Variants in PRKCA observed in about 807,000 individuals in gnomAD.
The protein encoded by PRKCA is protein kinase C alpha, also known as protein kinase C alpha type.
A neutral mutation model predicts 87.0 loss-of-function variants in PRKCA; 27 were observed. The observed-to-expected ratio is 0.31, with a 90% CI of 0.23 to 0.43. The LOEUF (loss-of-function observed/expected upper bound fraction) is 0.43. PRKCA is among the 20% of genes least tolerant of loss of function. The probability of loss-of-function intolerance (pLI) is 1.00; values close to 1 mark genes in which losing one functional copy is unlikely to be tolerated. For synonymous variants in PRKCA, 329 were observed against 311.1 expected, an observed-to-expected ratio of 1.06 and a Z score of -0.61; for missense variants, 518 against 852.3, an observed-to-expected ratio of 0.61 and a Z score of 4.88.
At chr17:66,761,295 G>A (rs1363219843) in intron 13 of PRKCA, among the ~76,000 whole-genome samples, 24 of 151,150 alleles carry the variant, frequency 1.6e-4, no homozygotes, top group African/African-American at 5.8e-4. Context: ...ACTTGAACTC[G>A]GGAGGCAGAG....
chr17:66,726,455 C>CT (rs1158904144), intron 8 of PRKCA, among the ~76,000 whole-genome samples: 1 of 152,148 alleles, frequency 6.6e-6, no homozygotes, highest in African/African-American at 2.4e-5. Flanking sequence ...GGGAAGAAAG[C>CT]TAACTGGGAG....
intron 8 of PRKCA, among the ~76,000 whole-genome samples, chr17:66,711,849 C>G (rs1973338508): frequency 6.6e-6 from 1 of 152,112 alleles, no homozygotes. Flanking sequence ...TTGTATCTCA[C>G]CCTGCAGATG....
chr17:66,525,876 T>A (rs947976576), intron 3 of PRKCA, among the ~76,000 whole-genome samples: 2 of 152,170 alleles, frequency 1.3e-5, no homozygotes, highest in Non-Finnish European at 2.9e-5. Context: ...GAAGAAGGTC[T>A]GGGAACATTC....
chr17:66,337,707 G>T (rs1205213931), intron 2 of PRKCA, among the ~76,000 whole-genome samples: 2 of 152,100 alleles, frequency 1.3e-5, no homozygotes, highest in East Asian at 3.9e-4. Context: ...TTTAAACCTG[G>T]TTGAGCTAAT....
chr17:66,726,787 C>T (rs1006276326), intron 8 of PRKCA, among the ~76,000 whole-genome samples: 13 of 151,700 alleles, frequency 8.6e-5, no homozygotes, highest in Non-Finnish European at 1.9e-4. Context: ...GGCAGTGGCA[C>T]GATCTTGGCT....
intron 3 of PRKCA, among the ~76,000 whole-genome samples, chr17:66,530,845 G>A (rs1967509895): frequency 1.3e-5 from 2 of 150,120 alleles, no homozygotes; most frequent in Admixed American, 1.3e-4. Flanking sequence ...TGGGGCAAGT[G>A]GTGGAGGATC....
chr17:66,321,367 G>GATGGAC (rs1485543558), intron 2 of PRKCA, among the ~76,000 whole-genome samples: 3 of 152,148 alleles, frequency 2.0e-5, no homozygotes, highest in Non-Finnish European at 4.4e-5. Flanking sequence ...ATACTCGGAG[G>GATGGAC]ATGGACAGAA....
chr17:66,536,188 A>G (rs1967775331), intron 3 of PRKCA, among the ~76,000 whole-genome samples: 1 of 152,230 alleles, frequency 6.6e-6, no homozygotes, highest in African/African-American at 2.4e-5. Context: ...AATGACATTG[A>G]GAAGCCCTGA....
At chr17:66,493,719 A>C (rs895622918) in intron 2 of PRKCA, among the ~76,000 whole-genome samples, 4 of 152,228 alleles carry the variant, frequency 2.6e-5, no homozygotes, top group South Asian at 2.1e-4. Flanking sequence ...AATGCATGTG[A>C]AGGGACCCAG....
chr17:66,505,947 C>T (rs1916956952), intron 3 of PRKCA, among the ~76,000 whole-genome samples: 1 of 152,118 alleles, frequency 6.6e-6, no homozygotes. Flanking sequence ...TCCTGCGTAG[C>T]TGGGGAGACA....
At chr17:66,744,099 G>A (rs1010996717) in intron 13 of PRKCA, among the ~76,000 whole-genome samples, 39 of 152,156 alleles carry the variant, frequency 2.6e-4, no homozygotes, top group Admixed American at 1.0e-3. Flanking sequence ...TGAAGACCTT[G>A]TAGTTTTATG....
chr17:66,541,723 A>G (rs1472552185), intron 3 of PRKCA, among the ~76,000 whole-genome samples: 4 of 152,260 alleles, frequency 2.6e-5, no homozygotes, highest in African/African-American at 9.6e-5. Context: ...CCAAAAATTA[A>G]GTAAAAATGA....
At chr17:66,430,586 A>G (rs943319806) in intron 2 of PRKCA, among the ~76,000 whole-genome samples, 2 of 152,098 alleles carry the variant, frequency 1.3e-5, no homozygotes, top group Admixed American at 6.5e-5. Context: ...TTAGGGGGCC[A>G]GCCCTGTGGT....
intron 13 of PRKCA, among the ~76,000 whole-genome samples, chr17:66,770,184 T>C (rs1320235510): frequency 6.6e-6 from 1 of 152,222 alleles, no homozygotes; most frequent in East Asian, 1.9e-4. Context: ...TATGTGTAAG[T>C]TCATTTGTTC....
intron 2 of PRKCA, among the ~76,000 whole-genome samples, chr17:66,418,621 G>A (rs1395236064): frequency 6.6e-6 from 1 of 152,002 alleles, no homozygotes; most frequent in Non-Finnish European, 1.5e-5. Flanking sequence ...ATTTTTAGTA[G>A]AGACGGGGTT....
At chr17:66,791,644 G>C (rs1359317841) in intron 16 of PRKCA, among the ~76,000 whole-genome samples, 1 of 152,194 alleles carries the variant, frequency 6.6e-6, no homozygotes, top group Non-Finnish European at 1.5e-5. Context: ...TGTCATGCAA[G>C]GGCTGGCACC....
At chr17:66,617,521 C>G (rs148448637) in intron 3 of PRKCA, among the ~76,000 whole-genome samples, 1 of 152,064 alleles carries the variant, frequency 6.6e-6, no homozygotes, top group African/African-American at 2.4e-5. Flanking sequence ...TTGTTCCATC[C>G]GTTTGAGTAA....
At chr17:66,508,396 G>C (rs1027033158) in intron 3 of PRKCA, among the ~76,000 whole-genome samples, 1 of 152,230 alleles carries the variant, frequency 6.6e-6, no homozygotes, top group African/African-American at 2.4e-5. Context: ...CGTTGCCGTG[G>C]TTCTGACTGG....
At chr17:66,344,136 G>A (rs1024298141) in intron 2 of PRKCA, among the ~76,000 whole-genome samples, 3 of 152,096 alleles carry the variant, frequency 2.0e-5, no homozygotes, top group Admixed American at 6.5e-5. Flanking sequence ...TCATAGGCTC[G>A]TAAAGCAGAA....
Sources: gnomAD v4.1 joint callset for allele counts (sites outside exome capture counted in the v4.1 genomes callset) on GRCh38, gnomAD v4.1.1 for gene constraint, MANE v1.5 for transcripts, NCBI Gene and HGNC (gene_info 2026-07-23, HGNC 2026-07-21) for gene names.